PTPN4: variants seen among roughly 807,000 people sequenced by gnomAD.
PTPN4 encodes protein tyrosine phosphatase non-receptor type 4.
Under a neutral mutation model 135.5 loss-of-function variants are expected in PTPN4, and 49 were observed. That is an observed-to-expected ratio of 0.36 (90% CI 0.29 to 0.46). The LOEUF is 0.46. Among genes scored for constraint, PTPN4 ranks in the 20% least tolerant of loss-of-function variants. PTPN4 has a pLI of 1.00. For synonymous variants in PTPN4, 333 were observed against 369.9 expected (o/e 0.90, Z 1.14); for missense variants, 860 against 1,101.0 (o/e 0.78, Z 3.10).
chr2:119,886,084 C>A (rs1185990501), intron 9 of PTPN4, among the ~76,000 whole-genome samples: 2 of 152,070 alleles, frequency 1.3e-5, no homozygotes, highest in Non-Finnish European at 2.9e-5. Flanking sequence ...GTGGATTCTT[C>A]AAGGTAGTGT....
intron 2 of PTPN4, among the ~76,000 whole-genome samples, chr2:119,829,098 T>C (rs975138471): frequency 3.9e-5 from 6 of 152,212 alleles, no homozygotes; most frequent in Non-Finnish European, 5.9e-5. Flanking sequence ...CCAATTCTTA[T>C]CTCACTCTTT....
At chr2:119,818,803 G>A (rs1677025411) in intron 2 of PTPN4, among the ~76,000 whole-genome samples, 1 of 152,174 alleles carries the variant, frequency 6.6e-6, no homozygotes, top group South Asian at 2.1e-4. Flanking sequence ...AGATAGGTCT[G>A]TTTCACCTTT....
chr2:119,965,408 C>G (rs1679432182), intron 24 of PTPN4, 89 bp from the exon 25 acceptor site: 2 of 1,264,854 alleles, frequency 1.6e-6, no homozygotes, highest in Non-Finnish European at 1.1e-6. Context: ...ATCTCCCCCT[C>G]CCTTCTTTCC....
intron 1 of PTPN4, among the ~76,000 whole-genome samples, chr2:119,792,392 G>A (rs1003195146): frequency 1.3e-5 from 2 of 152,150 alleles, no homozygotes; most frequent in African/African-American, 4.8e-5. Flanking sequence ...AAGCAAGTGA[G>A]GCAGAGAGAG....
chr2:119,945,620 A>C (rs79531902), intron 16 of PTPN4, among the ~76,000 whole-genome samples: 8 of 126,682 alleles, frequency 6.3e-5, no homozygotes, highest in African/African-American at 1.4e-4. Flanking sequence ...TTAAAAATAA[A>C]AATAACAATA....
chr2:119,799,769 G>T (rs151286593), intron 1 of PTPN4, among the ~76,000 whole-genome samples: 1 of 152,188 alleles, frequency 6.6e-6, no homozygotes, highest in African/African-American at 2.4e-5. Flanking sequence ...CTGACTAGGT[G>T]GGTTAGCTTC....
At chr2:119,786,992 T>C (rs751034418) in intron 1 of PTPN4, among the ~76,000 whole-genome samples, 3 of 152,184 alleles carry the variant, frequency 2.0e-5, no homozygotes, top group Non-Finnish European at 2.9e-5. Flanking sequence ...AGACACCTTA[T>C]TATACCTTTA....
At position 119,967,855 on chromosome 2, in the gene PTPN4, T is replaced by C. The variant is rs764192970; in HGVS notation, c.2577T>C (p.Thr859=). Reference sequence around the variant, plus strand: ...TTTTTAGTGCTGGAATCGGAAGAACTGGGGTTCTTATTACTATGGAAACAG... The same window carrying C: ...TTTTTAGTGCTGGAATCGGAAGAACCGGGGTTCTTATTACTATGGAAACAG... ...VVHCSAGIGR[T]GVLITMETAM... Residue 859 remains threonine (T), a synonymous_variant, in exon 26 of 27, where the codon ACT becomes ACC. Coordinates refer to ENST00000263708, the MANE Select transcript of PTPN4 (RefSeq NM_002830.4). The C allele has an allele frequency of 4.4e-6, 7 of 1,607,332 alleles. No homozygotes were observed. Among genetic ancestry groups the C allele is most frequent in the Admixed American group, 1.7e-5 (1 of 59,750 alleles).
Position 119,909,655 on chromosome 2 carries a change from C to G in PTPN4, c.765-5524C>G, listed in dbSNP as rs190925472. ...GTAGTGGCCATTGAGGATGATTTCTCTGATGGATCTGGGAAAAGTAAGTTG... is the reference window on the plus strand; with the variant it reads ...GTAGTGGCCATTGAGGATGATTTCTGTGATGGATCTGGGAAAAGTAAGTTG... On this transcript the variant is annotated intron_variant, in intron 10 of 26. Coordinates refer to ENST00000263708, the MANE Select transcript of PTPN4 (RefSeq NM_002830.4). Among the ~76,000 whole-genome samples the G allele has an allele frequency of 3.1e-3, 467 of 152,244 alleles. 1 individual carries two copies. Among genetic ancestry groups the G allele is most frequent in the African/African-American group, 0.011 (442 of 41,542 alleles).
rs140564427 is a variant in PTPN4 at position 119,802,659 on chromosome 2, G to A, written c.-17-7178G>A. ...GGGTTTTTGTGTCTGTATTCATGAG[G>A]AATATTGGTTTGTAGTTTTCTTTAT... On this transcript the variant is annotated intron_variant, in intron 1 of 26. Transcript: ENST00000263708. 3.7e-4 allele frequency among the ~76,000 whole-genome samples: 56 copies of A among 152,230 alleles called. No homozygotes were observed. In the East Asian group the frequency reaches 4.8e-3, roughly 13 times the overall value.
chr2:119,963,223 C>T (rs568564273), intron 24 of PTPN4, among the ~76,000 whole-genome samples: 125 of 152,330 alleles, frequency 8.2e-4, no homozygotes, highest in African/African-American at 2.7e-3. Context: ...GACCTTCTGA[C>T]AGCAGATGGG....
chr2:119,890,143 C>T (rs1335188705), intron 9 of PTPN4, among the ~76,000 whole-genome samples: 1 of 151,992 alleles, frequency 6.6e-6, no homozygotes, highest in Non-Finnish European at 1.5e-5. Context: ...CAGTCTGTGT[C>T]TCTCTTTAGA....
intron 2 of PTPN4, among the ~76,000 whole-genome samples, chr2:119,839,379 G>A (rs528830525): frequency 6.6e-5 from 10 of 152,140 alleles, no homozygotes; most frequent in Admixed American, 3.3e-4. Context: ...TGCATGTATA[G>A]TATTTGTCTT....
chr2:119,823,985 GAT>G (rs1677108650), intron 2 of PTPN4, among the ~76,000 whole-genome samples: 1 of 152,132 alleles, frequency 6.6e-6, no homozygotes, highest in Non-Finnish European at 1.5e-5. Context: ...ATATCTTTTT[GAT>G]ATGTTGTCTT....
At position 119,967,949 on chromosome 2, in the gene PTPN4, C is replaced by T. The variant is rs748661130; in HGVS notation, c.2671C>T (p.Arg891Ter). The T allele has an allele frequency of 1.9e-6, 3 of 1,602,158 alleles. No individual in the cohort carries two copies. The highest frequency in any genetic ancestry group is 2.2e-5 in the East Asian group (1 of 44,548). Residue 891 changes from arginine (R) to a stop codon, truncating the protein, a stop_gained, in exon 26 of 27, where the codon CGA becomes TGA. Coordinates refer to ENST00000263708, the MANE Select transcript of PTPN4 (RefSeq NM_002830.4). LOFTEE classifies it high-confidence loss of function. Reference protein sequence around the residue: ...LDIVRTMRDQRAMMIQTPSQY... With the variant: ...LDIVRTMRDQ ...TATTGTAAGAACAATGAGAGATCAG[C>T]GAGCCATGATGATCCAAACACCTGT...
chr2:119,966,627 G>A (rs1679449935), intron 25 of PTPN4, among the ~76,000 whole-genome samples: 1 of 152,170 alleles, frequency 6.6e-6, no homozygotes, highest in African/African-American at 2.4e-5. Context: ...GACACATTCA[G>A]ACAACAGCTT....
intron 15 of PTPN4, 107 bp from the exon 16 acceptor site, chr2:119,944,974 T>A: frequency 1.1e-6 from 1 of 928,376 alleles, no homozygotes; most frequent in Non-Finnish European, 1.5e-6. Context: ...CAAATAAATA[T>A]GGTATTTAGA....
chr2:119,956,341 G>A (rs1384679744), intron 20 of PTPN4, among the ~76,000 whole-genome samples: 7 of 143,778 alleles, frequency 4.9e-5, no homozygotes, highest in Non-Finnish European at 9.0e-5. Flanking sequence ...AGCCTCTCAA[G>A]TAGCTGGAAT....
At chr2:119,968,003 A>G (rs1291064215) in intron 26 of PTPN4, 31 bp downstream of exon 26, 2 of 1,430,356 alleles carry the variant, frequency 1.4e-6, no homozygotes, top group Non-Finnish European at 1.9e-6. Flanking sequence ...ACAAGTGTAT[A>G]TTCTTAACAT....
Sources: allele counts gnomAD v4.1 joint callset (sites outside exome capture counted in the v4.1 genomes callset), GRCh38; gene constraint gnomAD v4.1.1; transcripts MANE v1.5; gene names NCBI Gene and HGNC (gene_info 2026-07-23, HGNC 2026-07-21).